ISLR2: variants seen among roughly 807,000 people sequenced by gnomAD.
The protein encoded by ISLR2 is immunoglobulin superfamily containing leucine rich repeat 2.
A neutral mutation model predicts 25.5 loss-of-function variants in ISLR2; 16 were observed. The ratio of observed to expected loss-of-function variants is 0.63; its 90% confidence interval spans 0.43 to 0.95. The LOEUF is 0.95. ISLR2 is among the 40% of genes least tolerant of loss of function. The pLI, the probability that ISLR2 is intolerant of heterozygous loss-of-function variation, is 0.00. For missense variants in ISLR2, 883 were observed against 1,030.7 expected, an observed-to-expected ratio of 0.86 and a Z score of 1.96; for synonymous variants, 508 against 486.6, an observed-to-expected ratio of 1.04 and a Z score of -0.58.
intron 2 of ISLR2, among the ~76,000 whole-genome samples, chr15:74,105,919 T>TGA (rs1331535680): frequency 6.6e-6 from 1 of 152,018 alleles, no homozygotes; most frequent in African/African-American, 2.4e-5. Flanking sequence ...GTGCGGTCAT[T>TGA]GAGAGAGAGG....
rs1226895414 is a variant in ISLR2 at position 74,133,946 on chromosome 15, A to C, written c.1192A>C (p.Lys398Gln). 1 of 1,607,128 alleles carries C rather than the reference A, an allele frequency of 6.2e-7. No individual in the cohort carries two copies. The highest frequency in any genetic ancestry group is 8.5e-7 in the Non-Finnish European group (1 of 1,177,076). ...PDGQAPTSER[K>Q]STAKGRGNSV... ...CGGACAGGCCCCGACCTCTGAGCGC[A>C]AGTCCACAGCCAAGGGCCGGGGCAA... The change falls in exon 3 of 3, where the codon AAG (lysine) becomes CAG (glutamine). Residue 398 changes from lysine to glutamine, a missense_variant. Physicochemically the swap from Lys to Gln is moderately conservative, Grantham distance 53 (BLOSUM62 1). Coordinates refer to ENST00000453268, the MANE Select transcript of ISLR2 (RefSeq NM_020851.3).
At chr15:74,126,169 G>A (rs1405762400), upstream of ISLR2, 2 of 152,104 alleles carry the variant, frequency 1.3e-5, no homozygotes, top group Non-Finnish European at 2.9e-5. Flanking sequence ...AAGCCTGTAG[G>A]GGTGTGTGCA....
Position 74,133,820 on chromosome 15 carries a change from C to G in ISLR2, c.1066C>G (p.Arg356Gly), listed in dbSNP as rs1408146107. 4.3e-6 allele frequency: 7 copies of G among 1,613,916 alleles called. No individual in the cohort carries two copies. The highest frequency in any genetic ancestry group is 1.1e-5 in the South Asian group (1 of 91,066). The change falls in exon 3 of 3, where the codon CGT becomes GGT. Residue 356 changes from arginine (R) to glycine (G), a missense_variant. Coordinates refer to ENST00000453268, the MANE Select transcript of ISLR2 (RefSeq NM_020851.3). ...SAKEAGVYTCRAHNELGANST... is the reference protein window; with the variant it reads ...SAKEAGVYTCGAHNELGANST... Reference sequence around the variant, plus strand: ...CAAGGAGGCGGGCGTCTACACTTGCCGTGCACACAATGAGCTGGGCGCCAA... The same window carrying G: ...CAAGGAGGCGGGCGTCTACACTTGCGGTGCACACAATGAGCTGGGCGCCAA...
chr15:74,109,044 CTAA>C (rs1232384347), intron 2 of ISLR2, among the ~76,000 whole-genome samples: 1 of 152,170 alleles, frequency 6.6e-6, no homozygotes, highest in Non-Finnish European at 1.5e-5. Context: ...GATTATGTAA[CTAA>C]ACATTATTGT....
At chr15:74,112,773 C>T (rs2141930986) in intron 2 of ISLR2, among the ~76,000 whole-genome samples, 1 of 152,040 alleles carries the variant, frequency 6.6e-6, no homozygotes, top group East Asian at 1.9e-4. Context: ...GGTGATCCAC[C>T]CACCTCAGCC....
chr15:74,112,550 G>A (rs1188820334), intron 2 of ISLR2, among the ~76,000 whole-genome samples: 1 of 144,496 alleles, frequency 6.9e-6, no homozygotes, highest in African/African-American at 2.5e-5. Flanking sequence ...TTTTGGAAAT[G>A]GATTTTTGCT....
intron 2 of ISLR2, among the ~76,000 whole-genome samples, chr15:74,107,567 C>T (rs1455185095): frequency 6.6e-6 from 1 of 152,164 alleles, no homozygotes; most frequent in Non-Finnish European, 1.5e-5. Context: ...TCCAGCTCTG[C>T]CTGCCCTACC....
Position 74,134,320 on chromosome 15 carries a change from C to G in ISLR2, c.1566C>G (p.Pro522=), listed in dbSNP as rs926435010. The part of the protein sequence containing the change: ...GPGGAGGAPR[P]GRRPLRLLYL... ...GCGGGGCTGGCGGAGCCCCGCGACC[C>G]GGGCGGCGACCCCTGCGCCTACTCT... is the stretch of plus-strand genomic sequence containing the variant. The change falls in exon 3 of 3, where the codon CCC becomes CCG. Residue 522 remains proline (P), a synonymous_variant. Transcript: ENST00000453268. 2 of 1,533,660 alleles carry G rather than the reference C, an allele frequency of 1.3e-6. No individual in the cohort carries two copies. The highest frequency in any genetic ancestry group is 1.4e-5 in the African/African-American group (1 of 72,330).
At chr15:74,121,663 T>C (rs1359923560) in intron 2 of ISLR2, among the ~76,000 whole-genome samples, 1 of 152,050 alleles carries the variant, frequency 6.6e-6, no homozygotes, top group East Asian at 1.9e-4. Flanking sequence ...GAAGTTACAG[T>C]CCCCTAACCC....
At chr15:74,118,280 G>C (rs965217151) in intron 2 of ISLR2, among the ~76,000 whole-genome samples, 12 of 152,084 alleles carry the variant, frequency 7.9e-5, no homozygotes, top group Non-Finnish European at 1.3e-4. Context: ...GTACGAATAG[G>C]GTGTGGGTCA....
At chr15:74,110,556 G>A (rs1220765398) in intron 2 of ISLR2, among the ~76,000 whole-genome samples, 1 of 151,818 alleles carries the variant, frequency 6.6e-6, no homozygotes, top group African/African-American at 2.4e-5. Context: ...GGTGGCTCAC[G>A]CCTGTAATCC....
Position 74,135,763 on chromosome 15 carries a change from A to G in ISLR2, c.*771A>G, listed in dbSNP as rs908555234. On this transcript the variant is annotated 3_prime_UTR_variant, in exon 3 of 3. Transcript: ENST00000453268. The stretch of plus-strand genomic sequence containing the variant: ...GGTGATCCATCTGCCTCGGCCTCTC[A>G]AAGTGCTGGGATTACAGGCGTGAGG... The G allele has an allele frequency of 6.2e-6, 1 of 162,176 alleles. No homozygotes were observed. The highest frequency in any genetic ancestry group is 1.5e-5 in the Non-Finnish European group (1 of 68,144). 10.0% of individuals were successfully genotyped at this position (162,176 alleles called of 1,614,324 possible). A position where few individuals can be genotyped will look rare whatever the true frequency, so the allele number is the denominator to read the frequency against.
At chr15:74,110,885 G>A (rs2072160521) in intron 2 of ISLR2, among the ~76,000 whole-genome samples, 2 of 152,178 alleles carry the variant, frequency 1.3e-5, no homozygotes, top group Non-Finnish European at 2.9e-5. Context: ...CTTGAATCCA[G>A]GAGGCAGAGG....
chr15:74,120,216 TTTATC>T (rs2072242147), intron 2 of ISLR2, among the ~76,000 whole-genome samples: 1 of 152,170 alleles, frequency 6.6e-6, no homozygotes, highest in African/African-American at 2.4e-5. Context: ...CACCATGATT[TTTATC>T]TTATCAAGAC....
upstream of ISLR2, chr15:74,126,238 A>C (rs2072293937): frequency 6.6e-6 from 1 of 152,020 alleles, no homozygotes; most frequent in African/African-American, 2.4e-5. Flanking sequence ...TGGCTAATTC[A>C]GCTATTATAT....
intron 2 of ISLR2, among the ~76,000 whole-genome samples, chr15:74,111,138 T>TAAAAAA (rs764782225): frequency 1.6e-5 from 1 of 60,688 alleles, no homozygotes; most frequent in Non-Finnish European, 3.2e-5. Context: ...AGACTCCATC[T>TAAAAAA]AAAAAAAAAA....
chr15:74,128,680 G>C (rs2072337282), upstream of ISLR2: 1 of 455,884 alleles, frequency 2.2e-6, no homozygotes, highest in African/African-American at 2.0e-5. Flanking sequence ...GGAGGGCCTT[G>C]AGCCTCCCCG....
At chr15:74,117,731 C>A (rs1398206211) in intron 2 of ISLR2, among the ~76,000 whole-genome samples, 1 of 152,188 alleles carries the variant, frequency 6.6e-6, no homozygotes, top group Non-Finnish European at 1.5e-5. Context: ...GCCTATGTAA[C>A]TCTCCCCTGG....
rs1428826817 is a variant in ISLR2, at chr15:74,134,566, C to T, written c.1812C>T (p.Ala604=). 6.2e-7 allele frequency: 1 copy of T among 1,614,034 alleles called. No individual in the cohort carries two copies. The highest frequency in any genetic ancestry group is 8.5e-7 in the Non-Finnish European group (1 of 1,180,038). The change falls in exon 3 of 3, where the codon GCC becomes GCT. Residue 604 remains alanine, a synonymous_variant. Transcript: ENST00000453268. ...VAVSVFLLVL[A]TVPLLGAACC... Reference sequence around the variant, plus strand: ...TGAGCGTATTCCTCCTGGTGCTGGCCACAGTGCCCCTTCTGGGCGCCGCCT... The same window carrying T: ...TGAGCGTATTCCTCCTGGTGCTGGCTACAGTGCCCCTTCTGGGCGCCGCCT...
Sources: allele counts gnomAD v4.1 joint callset (sites outside exome capture counted in the v4.1 genomes callset), GRCh38; gene constraint gnomAD v4.1.1; transcripts MANE v1.5; gene names NCBI Gene and HGNC (gene_info 2026-07-23, HGNC 2026-07-21).